AMOTL2: variants seen among roughly 807,000 people sequenced by gnomAD.
AMOTL2 encodes the protein angiomotin like 2.
Under a neutral mutation model 78.4 loss-of-function variants are expected in AMOTL2, and 33 were observed. The ratio of observed to expected loss-of-function variants is 0.42; its 90% CI spans 0.32 to 0.56. The LOEUF (loss-of-function observed/expected upper bound fraction) is 0.56. AMOTL2 is among the 20% of genes least tolerant of loss of function. The pLI is 0.12. For synonymous variants in AMOTL2, 422 were observed against 428.8 expected (o/e 0.98, Z 0.20); for missense variants, 983 against 1,030.1 (o/e 0.95, Z 0.63).
upstream of AMOTL2, chr3:134,374,479 G>A: frequency 1.0e-6 from 1 of 985,616 alleles, no homozygotes; most frequent in Non-Finnish European, 1.2e-6. Flanking sequence ...CAGCCCCAGG[G>A]TCGGCCCGCG....
chr3:134,364,198 G>A (rs1020365833), intron 5 of AMOTL2, among the ~76,000 whole-genome samples: 2 of 152,054 alleles, frequency 1.3e-5, no homozygotes, highest in Admixed American at 6.5e-5. Flanking sequence ...CAGCGCGCAC[G>A]GGAGGGAGCG....
chr3:134,366,484 G>C (rs1189030726), intron 3 of AMOTL2, 57 bp from the exon 4 acceptor site: 1 of 1,556,972 alleles, frequency 6.4e-7, no homozygotes, highest in Non-Finnish European at 8.7e-7. Context: ...GGAGTGATTC[G>C]AGGCTGACCC....
chr3:134,357,898 G>T, intron 9 of AMOTL2, 135 bp from the exon 10 acceptor site: 1 of 864,250 alleles, frequency 1.2e-6, no homozygotes, highest in Non-Finnish European at 1.9e-6. Flanking sequence ...CCCAGAACTC[G>T]GCCAACCAAG....
rs2017295744 is a variant in AMOTL2, at chr3:134,360,242, C to T, written c.1747G>A (p.Ala583Thr). ...YLEERAMRQF[A>T]MDAAATAAAQ... ...GCAGCCGTGGCAGCCGCATCCATGG[C>T]AAACTGCCTCATGGCACGTTCCTCC... Residue 583 changes from alanine (A) to threonine (T), a missense_variant, in exon 7 of 10, where the codon GCC becomes ACC. Transcript: ENST00000249883. The T allele has an allele frequency of 6.2e-7, 1 of 1,614,240 alleles. No homozygotes were observed. Among genetic ancestry groups the T allele is most frequent in the Non-Finnish European group, 8.5e-7 (1 of 1,180,030 alleles).
chr3:134,365,180 G>A (rs886826965), intron 5 of AMOTL2, among the ~76,000 whole-genome samples: 7 of 148,382 alleles, frequency 4.7e-5, no homozygotes, highest in Admixed American at 1.3e-4. Flanking sequence ...ACCTTCCTGG[G>A]CCTGCTCCCA....
At chr3:134,374,448 G>C (rs2018012011), upstream of AMOTL2, 1 of 985,410 alleles carries the variant, frequency 1.0e-6, no homozygotes, top group Non-Finnish European at 1.2e-6. Flanking sequence ...CCGACGCTCT[G>C]GCTGTTCGCG....
In AMOTL2 at chr3:134,355,478, G is replaced by A. The variant is rs868045065; in HGVS notation, c.*2227C>T. 5.9e-5 allele frequency among the ~76,000 whole-genome samples: 9 copies of A among 152,202 alleles called. No homozygotes were observed. Among genetic ancestry groups the A allele is most frequent in the African/African-American group, 9.6e-5 (4 of 41,452 alleles). On this transcript the variant is annotated 3_prime_UTR_variant, in exon 10 of 10. Transcript: ENST00000249883. ...CACATTCTTGAATGTCCTCTGCATG[G>A]TGCCTGGCCTTCTGGATGGTTTCGG...
At chr3:134,366,163 G>T in intron 4 of AMOTL2, 120 bp downstream of exon 4, 2 of 1,375,872 alleles carry the variant, frequency 1.5e-6, no homozygotes, top group Non-Finnish European at 2.0e-6. Flanking sequence ...TCTCAGCCTG[G>T]CTCTCTGAGT....
intron 2 of AMOTL2, among the ~76,000 whole-genome samples, chr3:134,368,917 C>T (rs1170097393): frequency 6.6e-6 from 1 of 152,124 alleles, no homozygotes; most frequent in Non-Finnish European, 1.5e-5. Flanking sequence ...CCTTGTGATT[C>T]CCAGTGTCAC....
chr3:134,367,660 A>G lies in AMOTL2; in HGVS notation c.878T>C (p.Val293Ala), dbSNP rs2017670332. Residue 293 changes from valine (V) to alanine (A), a missense_variant, in exon 3 of 10, where the codon GTG becomes GCG. By Grantham distance (64) the Val-to-Ala change is moderately conservative. Coordinates refer to ENST00000249883, the MANE Select transcript of AMOTL2 (RefSeq NM_016201.4). ...GGCCTGGGCACTCACTGGCCCCTCC[A>G]CAGCAGGTGGACTGAGGGAGCTCAG... ...GPLSSLSPPA[V>A]EGPVSAQASS... 1 of 1,613,284 alleles carries G rather than the reference A, an allele frequency of 6.2e-7. No individual in the cohort carries two copies. The highest frequency in any genetic ancestry group is 1.3e-5 in the African/African-American group (1 of 74,900).
Position 134,371,042 on chromosome 3 carries a change from C to G in AMOTL2, c.392G>C (p.Arg131Pro). Residue 131 changes from arginine (R) to proline (P), a missense_variant, in exon 2 of 10, where the codon CGA (arginine) becomes CCA (proline). Transcript: ENST00000249883. ...GCCTCCCGGGGCCCCACGGGGATCT[C>G]GGTCCCCCGCATGTGGCCGGGTCCC... ...QAGTRPHAGD[R>P]DPRGAPGGSR... The G allele has an allele frequency of 6.2e-7, 1 of 1,607,156 alleles. No homozygotes were observed.
At chr3:134,361,047 G>C (rs377573859) in intron 6 of AMOTL2, among the ~76,000 whole-genome samples, 2 of 152,124 alleles carry the variant, frequency 1.3e-5, no homozygotes, top group Admixed American at 1.3e-4. Context: ...GGTGGCGCAC[G>C]CCTGTAGTCT....
At chr3:134,360,797 T>C (rs2017321135) in intron 6 of AMOTL2, among the ~76,000 whole-genome samples, 2 of 152,190 alleles carry the variant, frequency 1.3e-5, no homozygotes, top group African/African-American at 4.8e-5. Context: ...CACCAAGAGT[T>C]GTTTACACAG....
chr3:134,373,304 C>T (rs2017947449), intron 1 of AMOTL2, among the ~76,000 whole-genome samples: 1 of 152,144 alleles, frequency 6.6e-6, no homozygotes, highest in African/African-American at 2.4e-5. Context: ...GGCCGACTCC[C>T]ACAGAGAAGG....
intron 7 of AMOTL2, among the ~76,000 whole-genome samples, chr3:134,359,727 C>T (rs527743318): frequency 8.5e-5 from 13 of 152,318 alleles, no homozygotes; most frequent in African/African-American, 2.4e-4. Context: ...ACCACCAGTG[C>T]ATAAGGCCCT....
At chr3:134,359,738 G>C (rs11719057) in intron 7 of AMOTL2, among the ~76,000 whole-genome samples, 55,733 of 152,072 alleles carry the variant, frequency 0.37, 11,445 homozygotes, top group East Asian at 0.92. Context: ...ATAAGGCCCT[G>C]GGCCCTTCTC....
At chr3:134,375,327 C>T, upstream of AMOTL2, 2 of 1,236,396 alleles carry the variant, frequency 1.6e-6, no homozygotes, top group Non-Finnish European at 2.3e-6. Context: ...AAGCACCCTC[C>T]AACGGAGTTC....
intron 6 of AMOTL2, 121 bp from the exon 7 acceptor site, chr3:134,360,534 A>G (rs2017312051): frequency 3.5e-6 from 3 of 863,764 alleles, no homozygotes; most frequent in Non-Finnish European, 5.3e-6. Context: ...CACAGCATAC[A>G]TTTCCCCATC....
rs369265288 is a variant in AMOTL2 at position 134,361,844 on chromosome 3, C to G, written c.1280-37G>C. 8 of 1,487,144 alleles carry G rather than the reference C, an allele frequency of 5.4e-6. No homozygotes were observed. In the African/African-American group the frequency reaches 1.1e-4, roughly 21 times the overall value. The allele number at this position is 1,487,144 out of a possible 1,614,324, so 92.1% of individuals were successfully genotyped here. A position where few individuals can be genotyped will look rare whatever the true frequency, so the allele number is the denominator to read the frequency against. ...AAGAGGCTTGATCAGTGACAGTGAC[C>G]ACGTTGGCTGGCCCCATTGCCTCCT... is the stretch of plus-strand genomic sequence containing the variant. On this transcript the variant is annotated intron_variant, in intron 5 of 9. Transcript: ENST00000249883.
Sources: allele counts gnomAD v4.1 joint callset (sites outside exome capture counted in the v4.1 genomes callset), GRCh38; gene constraint gnomAD v4.1.1; transcripts MANE v1.5; gene names NCBI Gene and HGNC (gene_info 2026-07-23, HGNC 2026-07-21).